Variants in MCTP2 observed in about 807,000 individuals in gnomAD.
The protein encoded by MCTP2 is multiple C2 and transmembrane domain containing 2.
MCTP2 carries 132 observed loss-of-function variants against 111.6 expected under a neutral mutation model. That is an observed-to-expected ratio of 1.18 (90% CI 1.03 to 1.37). The LOEUF (loss-of-function observed/expected upper bound fraction) is 1.37, where lower values mean the gene tolerates loss of function less well. MCTP2 is among the 40% of genes most tolerant of loss of function. The pLI is 0.00. For missense variants in MCTP2, 1,183 were observed against 1,067.9 expected, an observed-to-expected ratio of 1.11 and a Z score of -1.50; for synonymous variants, 395 against 387.7, an observed-to-expected ratio of 1.02 and a Z score of -0.22.
At chr15:94,464,254 A>G (rs1340008046) in intron 20 of MCTP2, among the ~76,000 whole-genome samples, 1 of 56,786 alleles carries the variant, frequency 1.8e-5, no homozygotes, top group Non-Finnish European at 3.8e-5. Context: ...ATATATATAT[A>G]TATTATATAT....
intron 4 of MCTP2, among the ~76,000 whole-genome samples, chr15:94,335,656 AT>A (rs1384321426): frequency 6.6e-6 from 1 of 152,234 alleles, no homozygotes; most frequent in Non-Finnish European, 1.5e-5. Context: ...CTATTGTAGT[AT>A]TGTTTGTACT....
intron 11 of MCTP2, among the ~76,000 whole-genome samples, chr15:94,369,721 G>C (rs1273702215): frequency 5.3e-5 from 8 of 152,168 alleles, no homozygotes; most frequent in African/African-American, 1.9e-4. Flanking sequence ...TTGTGTTTCA[G>C]AGTGATTTAA....
intron 17 of MCTP2, among the ~76,000 whole-genome samples, chr15:94,422,132 C>G (rs1264536378): frequency 6.6e-6 from 1 of 152,098 alleles, no homozygotes; most frequent in African/African-American, 2.4e-5. Context: ...TTGGTGTGTT[C>G]AGTCTCCTTT....
intron 4 of MCTP2, among the ~76,000 whole-genome samples, chr15:94,338,958 G>A (rs1013115528): frequency 7.9e-5 from 12 of 152,136 alleles, no homozygotes; most frequent in Admixed American, 3.9e-4. Context: ...CCTAGGAGAG[G>A]GTGGGCTTCT....
At chr15:94,250,432 T>C (rs1238059207) in intron 1 of MCTP2, among the ~76,000 whole-genome samples, 1 of 152,194 alleles carries the variant, frequency 6.6e-6, no homozygotes, top group Non-Finnish European at 1.5e-5. Flanking sequence ...GTATTGAGGA[T>C]TACTATAGAA....
intron 12 of MCTP2, among the ~76,000 whole-genome samples, chr15:94,381,822 G>C (rs900091884): frequency 6.6e-6 from 1 of 152,184 alleles, no homozygotes; most frequent in African/African-American, 2.4e-5. Flanking sequence ...CTTTTCCCCA[G>C]CTAACTCCAG....
chr15:94,476,979 G>A (rs1444078924), intron 22 of MCTP2, among the ~76,000 whole-genome samples, 186 bp downstream of exon 22: 1 of 152,148 alleles, frequency 6.6e-6, no homozygotes. Flanking sequence ...GTGATTGGGG[G>A]AAATTGTTTT....
intron 4 of MCTP2, among the ~76,000 whole-genome samples, chr15:94,330,878 C>T (rs1036923971): frequency 1.3e-5 from 2 of 151,250 alleles, no homozygotes; most frequent in African/African-American, 4.9e-5. Flanking sequence ...GGGACAAAAG[C>T]TGCGCACCAC....
intron 7 of MCTP2, chr15:94,342,730 A>AT: frequency 6.6e-6 from 1 of 151,106 alleles, no homozygotes; most frequent in Non-Finnish European, 1.5e-5. Flanking sequence ...ATATATGCAC[A>AT]TATATATTTA....
rs967947155 is a variant in MCTP2, at chr15:94,479,610, G to T, written c.*576G>T. 6.6e-6 allele frequency: 1 copy of T among 152,318 alleles called. No individual in the cohort carries two copies. Among genetic ancestry groups the T allele is most frequent in the Non-Finnish European group, 1.5e-5 (1 of 68,262 alleles). 9.4% of individuals were successfully genotyped at this position (152,318 alleles called of 1,614,324 possible). On this transcript the variant is annotated 3_prime_UTR_variant, in exon 23 of 23. Coordinates refer to ENST00000357742, the MANE Select transcript of MCTP2 (RefSeq NM_001385001.1). ...GGATCTTTCAGCCATGATTATTAAG[G>T]ATATGTATGTGAATTTTTGGGAAAC...
intron 1 of MCTP2, among the ~76,000 whole-genome samples, chr15:94,269,774 A>G (rs951180215): frequency 2.0e-5 from 3 of 152,176 alleles, no homozygotes; most frequent in African/African-American, 7.2e-5. Context: ...TATTACTTCA[A>G]GGACTCTCTG....
At chr15:94,265,725 TAATG>T (rs1404475834) in intron 1 of MCTP2, among the ~76,000 whole-genome samples, 1 of 152,172 alleles carries the variant, frequency 6.6e-6, no homozygotes, top group Non-Finnish European at 1.5e-5. Context: ...TAAATTATCT[TAATG>T]AAGCCTTTTT....
At chr15:94,434,103 T>A (rs11636415) in intron 17 of MCTP2, among the ~76,000 whole-genome samples, 1 of 152,058 alleles carries the variant, frequency 6.6e-6, no homozygotes, top group African/African-American at 2.4e-5. Flanking sequence ...CTTTTTTTTT[T>A]ATTTTTTTGT....
intron 17 of MCTP2, among the ~76,000 whole-genome samples, chr15:94,428,758 G>A (rs2083013521): frequency 6.6e-6 from 1 of 151,812 alleles, no homozygotes; most frequent in South Asian, 2.1e-4. Flanking sequence ...TTTCTGTTCA[G>A]CTGCTTTTAA....
At chr15:94,460,421 T>C (rs1157126838) in intron 20 of MCTP2, among the ~76,000 whole-genome samples, 2 of 152,074 alleles carry the variant, frequency 1.3e-5, no homozygotes, top group East Asian at 3.9e-4. Context: ...CGGTTGGCAG[T>C]GCCTAGAGAT....
At chr15:94,443,424 A>G (rs2083903751) in intron 19 of MCTP2, among the ~76,000 whole-genome samples, 1 of 152,172 alleles carries the variant, frequency 6.6e-6, no homozygotes, top group South Asian at 2.1e-4. Flanking sequence ...TTCTCCTGGG[A>G]GAATCTCTCA....
At chr15:94,403,834 C>A (rs989206453) in intron 17 of MCTP2, among the ~76,000 whole-genome samples, 4 of 152,136 alleles carry the variant, frequency 2.6e-5, no homozygotes, top group Middle Eastern at 3.2e-3. Context: ...CAAGGAAGAT[C>A]AAGGTGGTGT....
chr15:94,265,552 G>A (rs1267106291), intron 1 of MCTP2, among the ~76,000 whole-genome samples: 1 of 152,130 alleles, frequency 6.6e-6, no homozygotes, highest in African/African-American at 2.4e-5. Context: ...TGTTTGCATT[G>A]AGATATTAAA....
chr15:94,430,772 TAAAC>T (rs143010824), intron 17 of MCTP2, among the ~76,000 whole-genome samples: 1,659 of 151,526 alleles, frequency 0.011, 24 homozygotes, highest in African/African-American at 0.037. Context: ...AATAAAAAAA[TAAAC>T]AAAACACTGG....
Sources: gnomAD v4.1 joint callset for allele counts (sites outside exome capture counted in the v4.1 genomes callset) on GRCh38, gnomAD v4.1.1 for gene constraint, MANE v1.5 for transcripts, NCBI Gene and HGNC (gene_info 2026-07-23, HGNC 2026-07-21) for gene names.